The following SEMA6D variants were observed in gnomAD, a reference collection of about 807,000 sequenced individuals.
SEMA6D encodes semaphorin 6D, also known as semaphorin-6D.
Under a neutral mutation model 106.6 loss-of-function variants are expected in SEMA6D, and 35 were observed. The observed-to-expected ratio is 0.33, with a 90% confidence interval of 0.25 to 0.44. SEMA6D has a LOEUF of 0.44. SEMA6D is among the 20% of genes least tolerant of loss of function. The probability of loss-of-function intolerance (pLI) is 1.00; values close to 1 mark genes in which losing one functional copy is unlikely to be tolerated. For synonymous variants in SEMA6D, 499 were observed against 487.7 expected, an observed-to-expected ratio of 1.02 and a Z score of -0.31; for missense variants, 1,185 against 1,345.9, an observed-to-expected ratio of 0.88 and a Z score of 1.87.
Position 47,771,936 on chromosome 15 carries a change from C to G in SEMA6D, c.*151C>G. 1 of 767,534 alleles carries G rather than the reference C, an allele frequency of 1.3e-6. No homozygotes were observed. The highest frequency in any genetic ancestry group is 2.1e-6 in the Non-Finnish European group (1 of 477,448). 47.5% of individuals were successfully genotyped at this position (767,534 alleles called of 1,614,324 possible). ...CTTTCTAACTTTGGCAACATCAGAA[C>G]TTGCCACATGTAGCTACTGCAGCAA... On this transcript the variant is annotated 3_prime_UTR_variant, in exon 19 of 19. Coordinates refer to ENST00000536845, the MANE Select transcript of SEMA6D (RefSeq NM_001358351.3).
At chr15:47,240,937 A>G (rs957056051) in intron 1 of SEMA6D, among the ~76,000 whole-genome samples, 6 of 152,174 alleles carry the variant, frequency 3.9e-5, no homozygotes, top group Admixed American at 2.0e-4. Flanking sequence ...CTTTTAAGCC[A>G]AAACATTCTA....
At chr15:47,273,548 T>G (rs989889500) in intron 1 of SEMA6D, among the ~76,000 whole-genome samples, 1 of 152,218 alleles carries the variant, frequency 6.6e-6, no homozygotes, top group African/African-American at 2.4e-5. Flanking sequence ...AATTTCTATT[T>G]GTTCATTTTT....
chr15:47,600,871 G>A (rs1185934018), exon 4 of SEMA6D: 1 of 151,948 alleles, frequency 6.6e-6, no homozygotes, highest in Non-Finnish European at 1.5e-5. Flanking sequence ...TCAGGTTTTT[G>A]ACCAGACAAG....
At chr15:47,593,248 C>G (rs2076472284) in intron 3 of SEMA6D, among the ~76,000 whole-genome samples, 1 of 151,656 alleles carries the variant, frequency 6.6e-6, no homozygotes, top group Admixed American at 6.6e-5. Context: ...ACTAAAAATA[C>G]AGAAAAATCA....
intron 1 of SEMA6D, among the ~76,000 whole-genome samples, chr15:47,384,316 AGTCTCAT>A (rs2039742745): frequency 6.6e-6 from 1 of 152,234 alleles, no homozygotes; most frequent in Admixed American, 6.5e-5. Context: ...TTCACTAGGC[AGTCTCAT>A]GTTGTTTTGA....
At chr15:47,417,825 A>ATT in intron 2 of SEMA6D, among the ~76,000 whole-genome samples, 3 of 144,828 alleles carry the variant, frequency 2.1e-5, no homozygotes, top group Middle Eastern at 7.2e-3. Flanking sequence ...TCATGCATCC[A>ATT]TTTTTTTTTT....
intron 3 of SEMA6D, among the ~76,000 whole-genome samples, chr15:47,558,909 G>A (rs142668735): frequency 1.8e-4 from 28 of 152,160 alleles, no homozygotes; most frequent in African/African-American, 6.3e-4. Flanking sequence ...GAAGTAATTA[G>A]GAACAACTTT....
chr15:47,624,653 T>C (rs1245428242), intron 4 of SEMA6D, among the ~76,000 whole-genome samples: 1 of 152,166 alleles, frequency 6.6e-6, no homozygotes, highest in African/African-American at 2.4e-5. Context: ...AGCAGAAATA[T>C]AGTGGAAAAA....
Position 47,769,835 on chromosome 15 carries a change from A to C in SEMA6D, c.1934-662A>C, listed in dbSNP as rs983348567. The stretch of plus-strand genomic sequence containing the variant: ...ATATCTTCAGATAATTTGACAGTTT[A>C]CTTAACTAATACATAGTATGTTTCC... On this transcript the variant is annotated intron_variant, in intron 18 of 18. Coordinates refer to ENST00000536845, the MANE Select transcript of SEMA6D (RefSeq NM_001358351.3). Among the ~76,000 whole-genome samples, 8 of 152,168 alleles carry C rather than the reference A, an allele frequency of 5.3e-5. 1 individual carries two copies. The highest frequency in any genetic ancestry group is 1.0e-4 in the Non-Finnish European group (7 of 68,012).
intron 1 of SEMA6D, among the ~76,000 whole-genome samples, chr15:47,192,032 A>G (rs759485833): frequency 7.2e-5 from 11 of 152,202 alleles, no homozygotes; most frequent in Non-Finnish European, 1.6e-4. Flanking sequence ...GAAGCTGAAC[A>G]TATCTAAGGG....
intron 1 of SEMA6D, among the ~76,000 whole-genome samples, chr15:47,364,746 G>A (rs1320849938): frequency 4.8e-5 from 6 of 125,964 alleles, no homozygotes; most frequent in South Asian, 5.0e-4. Context: ...CCCTCCCCTC[G>A]TCCCCCTACT....
At chr15:47,268,497 A>G (rs2034421817) in intron 1 of SEMA6D, among the ~76,000 whole-genome samples, 1 of 152,148 alleles carries the variant, frequency 6.6e-6, no homozygotes, top group Non-Finnish European at 1.5e-5. Context: ...AAGGAGGGAA[A>G]GTTAGCTGTA....
intron 1 of SEMA6D, among the ~76,000 whole-genome samples, chr15:47,219,622 T>C (rs1209212254): frequency 6.6e-6 from 1 of 152,190 alleles, no homozygotes; most frequent in Non-Finnish European, 1.5e-5. Context: ...AGAAACATGG[T>C]GTTTTTATGC....
chr15:47,254,327 G>GTATATATA (rs1457735009), intron 1 of SEMA6D, among the ~76,000 whole-genome samples: 1 of 79,610 alleles, frequency 1.3e-5, no homozygotes, highest in Non-Finnish European at 3.8e-5. Context: ...ATATGTGTGT[G>GTATATATA]TGTGTATATA....
chr15:47,763,821 C>A, intron 9 of SEMA6D, 29 bp from the exon 10 acceptor site: 1 of 1,582,246 alleles, frequency 6.3e-7, no homozygotes, highest in South Asian at 1.1e-5. Context: ...GCTCATAACC[C>A]CATTGCTTTG....
intron 1 of SEMA6D, among the ~76,000 whole-genome samples, chr15:47,750,686 C>T (rs901358373): frequency 3.3e-5 from 5 of 152,172 alleles, no homozygotes; most frequent in Admixed American, 1.3e-4. Context: ...GAGTTTTAGA[C>T]GGTTAATTAT....
chr15:47,706,472 T>G (rs945956675), intron 4 of SEMA6D, among the ~76,000 whole-genome samples: 2 of 152,354 alleles, frequency 1.3e-5, no homozygotes. Context: ...GTTGAAATGG[T>G]TTGCATGAAA....
intron 3 of SEMA6D, among the ~76,000 whole-genome samples, chr15:47,534,879 T>G (rs1239288724): frequency 6.6e-6 from 1 of 152,100 alleles, no homozygotes; most frequent in Non-Finnish European, 1.5e-5. Flanking sequence ...ACATATTACA[T>G]ATCTGCCACT....
intron 4 of SEMA6D, among the ~76,000 whole-genome samples, chr15:47,685,049 A>G (rs1395886091): frequency 1.3e-5 from 2 of 152,100 alleles, no homozygotes; most frequent in African/African-American, 4.8e-5. Context: ...TCAACCTTAA[A>G]TATAGTATTG....
Sources: gnomAD v4.1 joint callset for allele counts (sites outside exome capture counted in the v4.1 genomes callset) on GRCh38, gnomAD v4.1.1 for gene constraint, MANE v1.5 for transcripts, NCBI Gene and HGNC (gene_info 2026-07-23, HGNC 2026-07-21) for gene names.